Variants in CACNA1C observed in about 807,000 individuals in gnomAD.
CACNA1C encodes voltage-dependent L-type calcium channel subunit alpha-1C.
A neutral mutation model predicts 229.0 loss-of-function variants in CACNA1C; 30 were observed. The observed-to-expected ratio is 0.13, with a 90% confidence interval of 0.10 to 0.18. The LOEUF (loss-of-function observed/expected upper bound fraction) is 0.18, where lower values mean the gene tolerates loss of function less well. Ranked by LOEUF, CACNA1C falls within the 10% of genes least tolerant of loss-of-function variation. The pLI is 1.00. For synonymous variants in CACNA1C, 1,114 were observed against 1,132.5 expected, an observed-to-expected ratio of 0.98 and a Z score of 0.33; for missense variants, 1,658 against 2,845.0, an observed-to-expected ratio of 0.58 and a Z score of 9.49.
Position 2,667,270 on chromosome 12 carries a change from A to ACCGTGG in CACNA1C, c.4623+490_4623+491insGTGGCC, listed in dbSNP as rs1569148322. On this transcript the variant is annotated intron_variant, in intron 37 of 46. Coordinates refer to ENST00000399655, the MANE Select transcript of CACNA1C (RefSeq NM_000719.7). ...TCGTTTCCTTTTCTCCCTCCCCTCC[A>ACCGTGG]CCATGGCCACTCCACGCTCCTTTTC... Among the ~76,000 whole-genome samples the ACCGTGG allele has an allele frequency of 1.6e-3, 248 of 152,036 alleles. 2 individuals are homozygous for ACCGTGG. The highest frequency in any genetic ancestry group is 5.5e-3 in the African/African-American group (229 of 41,496).
intron 3 of CACNA1C, among the ~76,000 whole-genome samples, chr12:2,430,850 C>A (rs1035053665): frequency 1.3e-5 from 2 of 152,118 alleles, no homozygotes; most frequent in Non-Finnish European, 2.9e-5. Context: ...CATTGAGCAC[C>A]CTGGCCTCAC....
intron 11 of CACNA1C, among the ~76,000 whole-genome samples, chr12:2,557,922 A>G (rs2045351824): frequency 6.6e-6 from 1 of 152,240 alleles, no homozygotes; most frequent in South Asian, 2.1e-4. Flanking sequence ...GAATGAGTGG[A>G]CAGATGTGTG....
chr12:2,398,487 G>C (rs755607608), intron 3 of CACNA1C, among the ~76,000 whole-genome samples: 9 of 152,308 alleles, frequency 5.9e-5, no homozygotes, highest in African/African-American at 2.2e-4. Context: ...TCTGTGCATC[G>C]GGAGACTGGC....
chr12:2,605,921 G>A lies in CACNA1C; in HGVS notation c.3156+135G>A, dbSNP rs2075108424. ...GGCTTGGATATAACCTCCACCTGCA[G>A]CCCGACTCAACCTTCAGACCAGGGT... On this transcript the variant is annotated intron_variant, in intron 24 of 46. Transcript: ENST00000399655. This position sits in a 1 kb window ranked among gnomAD's most constrained non-coding sequence, Gnocchi z 6.2. The A allele has an allele frequency of 1.5e-6, 1 of 654,366 alleles. No homozygotes were observed. Among genetic ancestry groups the A allele is most frequent in the African/African-American group, 1.8e-5 (1 of 55,302 alleles). The allele number at this position is 654,366 out of a possible 1,614,324, so 40.5% of individuals were successfully genotyped here. A position where few individuals can be genotyped will look rare whatever the true frequency, so the allele number is the denominator to read the frequency against.
upstream of CACNA1C, chr12:2,052,893 C>CCGGGCGGGCGGGCGGG (rs530020760): frequency 1.4e-6 from 1 of 732,180 alleles, no homozygotes; most frequent in African/African-American, 1.9e-5. Context: ...CTCCGGCGCG[C>CCGGGCGGGCGGGCGGG]CGGGCGGGCG....
In CACNA1C at chr12:2,319,302, AGGC is replaced by A. The variant is rs1291619725; in HGVS notation, c.478-129670_478-129668del. ...TGGCCTGTGGGGGCAGCGTGCATGA[AGGC>A]GGCATGCATGGGGGTGCCGTGCATG... On this transcript the variant is annotated intron_variant, in intron 3 of 46. Transcript: ENST00000399655. The surrounding 1 kb of genome is among the most constrained non-coding windows in gnomAD (Gnocchi z 4.0). 6.6e-6 allele frequency among the ~76,000 whole-genome samples: 1 copy of A among 151,684 alleles called. No individual in the cohort carries two copies. Among genetic ancestry groups the A allele is most frequent in the Non-Finnish European group, 1.5e-5 (1 of 67,854 alleles).
intron 3 of CACNA1C, among the ~76,000 whole-genome samples, chr12:2,437,267 G>T (rs2099143531): frequency 6.6e-6 from 1 of 152,052 alleles, no homozygotes; most frequent in Non-Finnish European, 1.5e-5. Flanking sequence ...GAGTGGGGAG[G>T]CCTGTGCAGC....
chr12:2,617,576 G>C (rs149984779), intron 29 of CACNA1C, among the ~76,000 whole-genome samples: 126 of 152,334 alleles, frequency 8.3e-4, no homozygotes, highest in Non-Finnish European at 1.7e-3. Context: ...GGCTTCCAGA[G>C]CAGTCTTTTC....
chr12:2,295,558 GT>G (rs2093960264), intron 3 of CACNA1C, among the ~76,000 whole-genome samples: 1 of 152,186 alleles, frequency 6.6e-6, no homozygotes. Context: ...CAGTGAATGT[GT>G]ATTGATATCA....
intron 3 of CACNA1C, among the ~76,000 whole-genome samples, chr12:2,178,583 G>A (rs936310687): frequency 5.3e-5 from 8 of 152,174 alleles, no homozygotes; most frequent in Non-Finnish European, 8.8e-5. Context: ...TGTCACAGAA[G>A]GCTGTGAACA....
intron 9 of CACNA1C, among the ~76,000 whole-genome samples, chr12:2,518,849 G>T (rs2099803840): frequency 6.6e-6 from 1 of 152,216 alleles, no homozygotes; most frequent in African/African-American, 2.4e-5. Context: ...GAGCCTGGAA[G>T]TAGCTCCTGG....
intron 3 of CACNA1C, among the ~76,000 whole-genome samples, chr12:2,265,473 C>CT (rs2082027149): frequency 6.6e-6 from 1 of 152,196 alleles, no homozygotes; most frequent in African/African-American, 2.4e-5. Flanking sequence ...GAGTGGGGGG[C>CT]TGGAACGTTG....
At chr12:2,681,505 C>T (rs1288419876) in intron 42 of CACNA1C, among the ~76,000 whole-genome samples, 2 of 152,198 alleles carry the variant, frequency 1.3e-5, no homozygotes, top group Non-Finnish European at 2.9e-5. Flanking sequence ...ATTGCTTGTG[C>T]TGAGGATGGG....
Position 2,504,283 on chromosome 12 carries a change from G to C in CACNA1C, c.1114-559G>C, listed in dbSNP as rs377134343. ...CACAGGAGTTCCTTTGAACATGGGC[G>C]ATGCCCTGGGTAACACGGGTAACCT... On this transcript the variant is annotated intron_variant, in intron 7 of 46. Transcript: ENST00000399655. The surrounding 1 kb of genome is among the most constrained non-coding windows in gnomAD (Gnocchi z 6.8). Among the ~76,000 whole-genome samples, 1 of 152,146 alleles carries C rather than the reference G, an allele frequency of 6.6e-6. No individual in the cohort carries two copies. The highest frequency in any genetic ancestry group is 6.5e-5 in the Admixed American group (1 of 15,286).
At chr12:2,458,584 C>T (rs549994276) in intron 5 of CACNA1C, among the ~76,000 whole-genome samples, 1 of 152,284 alleles carries the variant, frequency 6.6e-6, no homozygotes, top group East Asian at 1.9e-4. Context: ...GTAGATTTGG[C>T]CCATGACTCA....
chr12:2,250,617 G>A (rs1014483743), intron 3 of CACNA1C, among the ~76,000 whole-genome samples: 1 of 152,162 alleles, frequency 6.6e-6, no homozygotes, highest in African/African-American at 2.4e-5. Context: ...TACCCACTGA[G>A]CCAATGGAGC....
chr12:2,580,999 C>G (rs1047627107), intron 13 of CACNA1C, among the ~76,000 whole-genome samples: 1 of 152,210 alleles, frequency 6.6e-6, no homozygotes, highest in Admixed American at 6.5e-5. Flanking sequence ...CTTGGGAAAC[C>G]ACCAAGCCAT....
At chr12:2,405,394 G>A (rs2098725379) in intron 3 of CACNA1C, among the ~76,000 whole-genome samples, 1 of 152,160 alleles carries the variant, frequency 6.6e-6, no homozygotes, top group Non-Finnish European at 1.5e-5. Flanking sequence ...TTCCCCGTGT[G>A]CACATTTAGA....
At chr12:2,529,845 C>T (rs73252713) in intron 9 of CACNA1C, among the ~76,000 whole-genome samples, 1 of 152,188 alleles carries the variant, frequency 6.6e-6, no homozygotes, top group East Asian at 1.9e-4. Context: ...GGAAGGCCAG[C>T]TAGCCAGCTA....
Sources: allele counts gnomAD v4.1 joint callset (sites outside exome capture counted in the v4.1 genomes callset), GRCh38; gene constraint gnomAD v4.1.1; non-coding constraint Gnocchi (gnomAD v3.1); transcripts MANE v1.5; gene names NCBI Gene and HGNC (gene_info 2026-07-23, HGNC 2026-07-21).